The following PACRG variants were observed in gnomAD, a reference collection of about 807,000 sequenced individuals.
PACRG encodes the protein parkin coregulated gene protein.
In PACRG, 29 loss-of-function variants were observed where a neutral mutation model predicts 29.7. The ratio of observed to expected loss-of-function variants is 0.98; its 90% CI spans 0.73 to 1.33. The LOEUF is 1.33. Ranked by LOEUF, PACRG falls within the 40% of genes most tolerant of loss-of-function variation. PACRG has a pLI of 0.00. For missense variants in PACRG, 279 were observed against 316.2 expected, an observed-to-expected ratio of 0.88 and a Z score of 0.89; for synonymous variants, 116 against 118.7, an observed-to-expected ratio of 0.98 and a Z score of 0.15.
intron 2 of PACRG, among the ~76,000 whole-genome samples, chr6:162,994,356 C>G (rs1384308149): frequency 1.3e-5 from 2 of 150,354 alleles, no homozygotes; most frequent in Non-Finnish European, 2.9e-5. Context: ...TGGTTCCATT[C>G]TCCGCATCAC....
rs1010828372 is a variant in PACRG at position 163,269,743 on chromosome 6, A to G, written c.614-45084A>G. On this transcript the variant is annotated intron_variant, in intron 4 of 4. Coordinates refer to ENST00000366888, the MANE Select transcript of PACRG (RefSeq NM_001080379.2). ...GGGTGAGAATACCACTGAGGGGGAA[A>G]AGAAGAAAGAGAGAGAGAGAGACAG... Among the ~76,000 whole-genome samples, 4 of 141,414 alleles carry G rather than the reference A, an allele frequency of 2.8e-5. 1 individual carries two copies. Among genetic ancestry groups the G allele is most frequent in the Admixed American group, 7.7e-5 (1 of 13,050 alleles). The allele number at this position is 141,414 out of a possible 152,430, so 92.8% of individuals were successfully genotyped here. A position where few individuals can be genotyped will look rare whatever the true frequency, so the allele number is the denominator to read the frequency against.
chr6:163,055,034 T>C lies in PACRG; in HGVS notation c.292-7116T>C, dbSNP rs1197317924. Among the ~76,000 whole-genome samples the C allele has an allele frequency of 6.6e-6, 1 of 151,994 alleles. No individual in the cohort carries two copies. Among genetic ancestry groups the C allele is most frequent in the Non-Finnish European group, 1.5e-5 (1 of 67,990 alleles). On this transcript the variant is annotated intron_variant, in intron 2 of 4. Transcript: ENST00000366888. The surrounding 1 kb of genome is among the most constrained non-coding windows in gnomAD (Gnocchi z 4.0). Reference sequence around the variant, plus strand: ...GGAGAACAGAAAGGAGATTCAAGGATTAGACACAAAGAAAGTCACTGGTGA... The same window carrying C: ...GGAGAACAGAAAGGAGATTCAAGGACTAGACACAAAGAAAGTCACTGGTGA...
intron 2 of PACRG, among the ~76,000 whole-genome samples, chr6:162,838,536 T>C (rs1789448186): frequency 6.6e-6 from 1 of 152,068 alleles, no homozygotes; most frequent in South Asian, 2.1e-4. Flanking sequence ...AAAAGGGAAA[T>C]GGTCTGAACA....
At chr6:163,305,158 C>T (rs1585415525) in intron 4 of PACRG, among the ~76,000 whole-genome samples, 1 of 152,362 alleles carries the variant, frequency 6.6e-6, no homozygotes, top group Admixed American at 6.5e-5. Flanking sequence ...TGAGGGCCTC[C>T]ACACCACATT....
chr6:163,190,948 T>C (rs1490843047), intron 4 of PACRG: 1 of 456,022 alleles, frequency 2.2e-6, no homozygotes, highest in Non-Finnish European at 4.4e-6. Context: ...TGTCACCCAA[T>C]CCATTTCTGA....
At chr6:163,175,149 G>A (rs567102554) in intron 4 of PACRG, among the ~76,000 whole-genome samples, 3 of 152,238 alleles carry the variant, frequency 2.0e-5, no homozygotes, top group East Asian at 1.9e-4. Context: ...GCTGATATCT[G>A]TTTGACCACT....
At chr6:163,223,437 A>G (rs554116164) in intron 4 of PACRG, among the ~76,000 whole-genome samples, 10 of 152,162 alleles carry the variant, frequency 6.6e-5, no homozygotes, top group Non-Finnish European at 1.0e-4. Context: ...AGGATAAACT[A>G]AAATACTGAG....
intron 2 of PACRG, among the ~76,000 whole-genome samples, chr6:163,006,560 A>G (rs993824908): frequency 6.6e-5 from 10 of 151,814 alleles, no homozygotes; most frequent in African/African-American, 2.4e-4. Flanking sequence ...GACTATAGTT[A>G]TAGATTTTTT....
At chr6:163,157,729 A>G in intron 4 of PACRG, among the ~76,000 whole-genome samples, 1 of 152,176 alleles carries the variant, frequency 6.6e-6, no homozygotes, top group East Asian at 1.9e-4. Context: ...ACCACTAGTG[A>G]ATTAAACGAA....
At chr6:163,021,544 A>G (rs1276058721) in intron 2 of PACRG, among the ~76,000 whole-genome samples, 1 of 152,028 alleles carries the variant, frequency 6.6e-6, no homozygotes, top group East Asian at 1.9e-4. Flanking sequence ...TTCCCAGCTC[A>G]TGGCTCCCAC....
intron 2 of PACRG, among the ~76,000 whole-genome samples, chr6:162,939,088 A>G (rs952631161): frequency 1.3e-5 from 2 of 152,208 alleles, no homozygotes; most frequent in African/African-American, 4.8e-5. Flanking sequence ...AACAGAATAG[A>G]GAACCCAGAA....
chr6:163,179,868 G>A (rs1387979300), intron 4 of PACRG, among the ~76,000 whole-genome samples: 6 of 152,058 alleles, frequency 3.9e-5, no homozygotes, highest in East Asian at 3.9e-4. Context: ...TGACATTCTC[G>A]CAGACCAGAC....
intron 2 of PACRG, among the ~76,000 whole-genome samples, chr6:163,050,838 T>C (rs1809926475): frequency 6.6e-6 from 1 of 152,210 alleles, no homozygotes; most frequent in Non-Finnish European, 1.5e-5. Context: ...TGGAGTTTCA[T>C]AGTGTTTCTG....
chr6:162,907,186 G>A (rs1173071832), intron 2 of PACRG, among the ~76,000 whole-genome samples: 1 of 152,070 alleles, frequency 6.6e-6, no homozygotes, highest in Admixed American at 6.6e-5. Context: ...TTTTGTCCTG[G>A]AAAATATGAA....
intron 3 of PACRG, among the ~76,000 whole-genome samples, chr6:163,064,881 C>CA (rs1365372554): frequency 4.6e-5 from 7 of 151,332 alleles, no homozygotes; most frequent in Admixed American, 2.6e-4. Flanking sequence ...GAAAACAAAG[C>CA]AAAATGTATA....
At chr6:163,197,100 T>C (rs1013127082) in intron 4 of PACRG, among the ~76,000 whole-genome samples, 1 of 152,170 alleles carries the variant, frequency 6.6e-6, no homozygotes, top group Non-Finnish European at 1.5e-5. Context: ...TTTAAAAACT[T>C]GAACCTAAAA....
chr6:163,285,481 C>T lies in PACRG; in HGVS notation c.614-29346C>T, dbSNP rs9458775. Among the ~76,000 whole-genome samples the T allele has an allele frequency of 6.8e-3, 1,039 of 152,266 alleles. 12 individuals are homozygous for T. The highest frequency in any genetic ancestry group is 0.024 in the African/African-American group (977 of 41,526). ...AGTGAATCCCCATGAGGTCAAAGAC[C>T]GGATCTTTTCTGTCAACCACTGTAT... On this transcript the variant is annotated intron_variant, in intron 4 of 4. Transcript: ENST00000366888.
At chr6:163,245,917 T>C (rs1393444546) in intron 4 of PACRG, among the ~76,000 whole-genome samples, 1 of 152,178 alleles carries the variant, frequency 6.6e-6, no homozygotes, top group South Asian at 2.1e-4. Context: ...CTTTACCTCC[T>C]ACCTCCAAAT....
chr6:162,881,705 G>A (rs1291835886), intron 2 of PACRG, among the ~76,000 whole-genome samples: 6 of 150,220 alleles, frequency 4.0e-5, no homozygotes, highest in African/African-American at 1.5e-4. Context: ...CCAGAGACTG[G>A]GGGTGGGGGG....
Sources: allele counts gnomAD v4.1 joint callset (sites outside exome capture counted in the v4.1 genomes callset), GRCh38; gene constraint gnomAD v4.1.1; non-coding constraint Gnocchi (gnomAD v3.1); transcripts MANE v1.5; gene names NCBI Gene and HGNC (gene_info 2026-07-23, HGNC 2026-07-21).